The following PARP8 variants were observed in gnomAD, a reference collection of about 807,000 sequenced individuals.
PARP8 encodes the protein protein mono-ADP-ribosyltransferase PARP8.
A neutral mutation model predicts 124.1 loss-of-function variants in PARP8; 51 were observed. The observed-to-expected ratio is 0.41, with a 90% confidence interval of 0.33 to 0.52. PARP8 has a LOEUF of 0.52. Among genes scored for constraint, PARP8 ranks in the 20% least tolerant of loss-of-function variants. The pLI, the probability that PARP8 is intolerant of heterozygous loss-of-function variation, is 0.21. For synonymous variants in PARP8, 391 were observed against 361.5 expected, an observed-to-expected ratio of 1.08 and a Z score of -0.93; for missense variants, 860 against 1,018.9, an observed-to-expected ratio of 0.84 and a Z score of 2.12.
At chr5:50,745,437 A>G (rs1421217019) in intron 2 of PARP8, among the ~76,000 whole-genome samples, 2 of 152,190 alleles carry the variant, frequency 1.3e-5, no homozygotes, top group Non-Finnish European at 2.9e-5. Flanking sequence ...CTGTTAAGCC[A>G]TTAAATCATC....
chr5:50,675,842 A>T (rs112230678), intron 2 of PARP8, among the ~76,000 whole-genome samples: 2,235 of 151,236 alleles, frequency 0.015, 58 homozygotes, highest in African/African-American at 0.052. Context: ...ATGTCACATT[A>T]AAAAAAAAGT....
intron 10 of PARP8, among the ~76,000 whole-genome samples, chr5:50,791,069 T>G (rs1741899060): frequency 2.0e-5 from 3 of 152,158 alleles, no homozygotes; most frequent in Non-Finnish European, 4.4e-5. Context: ...TACAGCAAGT[T>G]AGGAAGGCAA....
chr5:50,750,035 T>C, intron 2 of PARP8, 116 bp from the exon 3 acceptor site: 1 of 794,366 alleles, frequency 1.3e-6, no homozygotes, highest in South Asian at 1.5e-5. Context: ...AGTTTCCTGT[T>C]TATACTTACA....
chr5:50,725,833 G>A (rs555241412), intron 2 of PARP8, among the ~76,000 whole-genome samples: 2 of 152,116 alleles, frequency 1.3e-5, no homozygotes, highest in Non-Finnish European at 2.9e-5. Flanking sequence ...TGGTTTTTGT[G>A]TTTTGAAATG....
At chr5:50,677,909 C>A (rs1323138128) in intron 2 of PARP8, among the ~76,000 whole-genome samples, 2 of 150,102 alleles carry the variant, frequency 1.3e-5, no homozygotes, top group African/African-American at 2.5e-5. Context: ...TCTGAATATT[C>A]TGATTTACAG....
intron 3 of PARP8, among the ~76,000 whole-genome samples, chr5:50,750,909 GTATT>G (rs1361135642): frequency 5.1e-5 from 6 of 116,846 alleles, no homozygotes; most frequent in Non-Finnish European, 1.0e-4. Context: ...AATACAAGAA[GTATT>G]TATAAGAAAA....
intron 9 of PARP8, among the ~76,000 whole-genome samples, chr5:50,781,113 C>G (rs1324534573): frequency 6.6e-6 from 1 of 152,162 alleles, no homozygotes; most frequent in Middle Eastern, 3.4e-3. Context: ...TTCTCTAATT[C>G]TTTCATCCTT....
At chr5:50,691,407 C>G (rs1752485636) in intron 2 of PARP8, among the ~76,000 whole-genome samples, 1 of 152,184 alleles carries the variant, frequency 6.6e-6, no homozygotes, top group Non-Finnish European at 1.5e-5. Context: ...TAATCATGCC[C>G]TCCTTTTGGA....
chr5:50,715,309 T>C (rs1203435277), intron 2 of PARP8, among the ~76,000 whole-genome samples: 3 of 152,106 alleles, frequency 2.0e-5, no homozygotes, highest in Non-Finnish European at 2.9e-5. Flanking sequence ...CTCCACACTC[T>C]GTCAAAATAT....
chr5:50,716,708 G>A (rs1366203551), intron 2 of PARP8, among the ~76,000 whole-genome samples: 2 of 152,024 alleles, frequency 1.3e-5, no homozygotes, highest in African/African-American at 4.8e-5. Context: ...CTTTAACATG[G>A]TTTAATACCT....
At chr5:50,750,323 G>T (rs1304599718) in intron 3 of PARP8, 135 bp downstream of exon 3, 2 of 689,772 alleles carry the variant, frequency 2.9e-6, no homozygotes, top group African/African-American at 1.8e-5. Context: ...AGCTATAGAA[G>T]AATTCTGCTT....
chr5:50,769,611 A>G (rs1435088576), intron 7 of PARP8, among the ~76,000 whole-genome samples: 3 of 151,806 alleles, frequency 2.0e-5, no homozygotes, highest in African/African-American at 4.8e-5. Flanking sequence ...CTGTTTACCA[A>G]TATTTATAGT....
chr5:50,691,911 A>G (rs1337483198), intron 2 of PARP8, among the ~76,000 whole-genome samples: 1 of 152,162 alleles, frequency 6.6e-6, no homozygotes, highest in Non-Finnish European at 1.5e-5. Context: ...ATTAATGACC[A>G]CGTTCTTAAT....
intron 7 of PARP8, among the ~76,000 whole-genome samples, chr5:50,775,321 G>A (rs1342058485): frequency 3.9e-5 from 6 of 152,234 alleles, no homozygotes; most frequent in East Asian, 3.8e-4. Flanking sequence ...TCGGGAGGCC[G>A]AGGTGGGCAG....
Sources: allele counts gnomAD v4.1 joint callset (sites outside exome capture counted in the v4.1 genomes callset), GRCh38; gene constraint gnomAD v4.1.1; transcripts MANE v1.5; gene names NCBI Gene and HGNC (gene_info 2026-07-23, HGNC 2026-07-21).